PCDHAC2: variants seen among roughly 807,000 people sequenced by gnomAD.
PCDHAC2 encodes the protein protocadherin alpha subfamily C, 2.
A neutral mutation model predicts 63.3 loss-of-function variants in PCDHAC2; 24 were observed. That is an observed-to-expected ratio of 0.38 (90% CI 0.27 to 0.53). The LOEUF (loss-of-function observed/expected upper bound fraction) is 0.53, where lower values mean the gene tolerates loss of function less well. Ranked by LOEUF, PCDHAC2 falls within the 20% of genes least tolerant of loss-of-function variation. PCDHAC2 has a pLI of 0.81. For synonymous variants in PCDHAC2, 569 were observed against 529.4 expected (o/e 1.07, Z -1.03); for missense variants, 1,181 against 1,275.2 (o/e 0.93, Z 1.12).
intron 3 of PCDHAC2, among the ~76,000 whole-genome samples, chr5:141,001,849 T>G (rs889682000): frequency 6.6e-6 from 1 of 151,820 alleles, no homozygotes; most frequent in Non-Finnish European, 1.5e-5. Context: ...GAGAGAGAGG[T>G]TGATTAAATT....
intron 3 of PCDHAC2, among the ~76,000 whole-genome samples, chr5:141,000,343 C>G (rs1410684542): frequency 1.7e-5 from 2 of 116,202 alleles, no homozygotes; most frequent in Admixed American, 9.0e-5. Context: ...GGCCCTATCT[C>G]TCTCTCTGTC....
chr5:140,971,799 TTA>T (rs1435483264), intron 1 of PCDHAC2, among the ~76,000 whole-genome samples: 2 of 152,164 alleles, frequency 1.3e-5, no homozygotes, highest in East Asian at 3.8e-4. Flanking sequence ...ATATTGAATA[TTA>T]TAATATTGAA....
chr5:141,006,441 C>T (rs2098274470), intron 3 of PCDHAC2, among the ~76,000 whole-genome samples: 1 of 152,110 alleles, frequency 6.6e-6, no homozygotes, highest in Non-Finnish European at 1.5e-5. Flanking sequence ...TCTCAATCTC[C>T]TGACCTCGAG....
chr5:140,992,798 CAT>C (rs1554253202), intron 3 of PCDHAC2, among the ~76,000 whole-genome samples: 1 of 152,076 alleles, frequency 6.6e-6, no homozygotes, highest in African/African-American at 2.4e-5. Context: ...TTTATGGATC[CAT>C]ATGTATCTAA....
chr5:141,000,375 C>G (rs1253953172), intron 3 of PCDHAC2, among the ~76,000 whole-genome samples: 8 of 57,690 alleles, frequency 1.4e-4, no homozygotes, highest in Non-Finnish European at 1.9e-4. Context: ...CTCTCTCTCT[C>G]TCTCTCTCTC....
chr5:141,005,797 A>G (rs1444669955), intron 3 of PCDHAC2, among the ~76,000 whole-genome samples: 2 of 150,756 alleles, frequency 1.3e-5, no homozygotes, highest in East Asian at 1.9e-4. Context: ...GGCAAAAACA[A>G]CTCCAAGGAG....
At chr5:140,979,052 G>T (rs2096833352) in intron 2 of PCDHAC2, 45 bp downstream of exon 2, 1 of 1,609,668 alleles carries the variant, frequency 6.2e-7, no homozygotes, top group Non-Finnish European at 8.5e-7. Context: ...CCTTAACTTG[G>T]TATGGCTCAG....
intron 3 of PCDHAC2, among the ~76,000 whole-genome samples, chr5:140,997,106 C>T (rs2153943751): frequency 6.6e-6 from 1 of 152,162 alleles, no homozygotes; most frequent in South Asian, 2.1e-4. Context: ...CTCATGCACT[C>T]CTGCTCTCCC....
In PCDHAC2 at chr5:141,009,805, A is replaced by G. The variant is rs1358613672; in HGVS notation, c.2892A>G (p.Gln964=). The change falls in exon 4 of 4, where the codon CAA becomes CAG. Residue 964 remains glutamine, a synonymous_variant. Transcript: ENST00000289269. ...ISIRQEPTNS[Q]IDKSDFITFG... ...TCCGGCAGGAGCCTACTAACAGCCAAATTGACAAAAGTGACTTCATAACCT... is the reference window on the plus strand; with the variant it reads ...TCCGGCAGGAGCCTACTAACAGCCAGATTGACAAAAGTGACTTCATAACCT... The G allele has an allele frequency of 3.1e-6, 5 of 1,613,974 alleles. No homozygotes were observed. Among genetic ancestry groups the G allele is most frequent in the African/African-American group, 1.3e-5 (1 of 74,898 alleles).
chr5:141,011,924 AG>A lies in PCDHAC2; in HGVS notation c.*1989del, dbSNP rs1246091886. Reference sequence around the variant, plus strand: ...ATTTAGGCATTAATATAAAAGAGGTAGGAGTCTGTTATTTAAAAAAAGCATT... The same window carrying A: ...ATTTAGGCATTAATATAAAAGAGGTAGAGTCTGTTATTTAAAAAAAGCATT... On this transcript the variant is annotated 3_prime_UTR_variant, in exon 4 of 4. Coordinates refer to ENST00000289269, the MANE Select transcript of PCDHAC2 (RefSeq NM_018899.6). 1 of 153,728 alleles carries A rather than the reference AG, an allele frequency of 6.5e-6. No homozygotes were observed. Among genetic ancestry groups the A allele is most frequent in the Non-Finnish European group, 1.5e-5 (1 of 68,042 alleles). 9.5% of individuals were successfully genotyped at this position (153,728 alleles called of 1,614,324 possible).
At chr5:140,977,379 C>T (rs921133722) in intron 1 of PCDHAC2, among the ~76,000 whole-genome samples, 4 of 152,134 alleles carry the variant, frequency 2.6e-5, no homozygotes, top group African/African-American at 2.4e-5. Flanking sequence ...AGTCATATTT[C>T]CAGGTTTATA....
chr5:140,995,184 T>G (rs1382886542), intron 3 of PCDHAC2, among the ~76,000 whole-genome samples: 3 of 152,168 alleles, frequency 2.0e-5, no homozygotes, highest in African/African-American at 7.2e-5. Flanking sequence ...GCACCTATGA[T>G]AAAGTTTAAT....
At chr5:140,980,849 C>A (rs2096908252) in intron 2 of PCDHAC2, among the ~76,000 whole-genome samples, 1 of 152,068 alleles carries the variant, frequency 6.6e-6, no homozygotes, top group Admixed American at 6.6e-5. Context: ...TAATACTAAT[C>A]TTTTTCGTAT....
At chr5:140,983,226 T>C (rs892083218) in intron 3 of PCDHAC2, among the ~76,000 whole-genome samples, 1 of 152,216 alleles carries the variant, frequency 6.6e-6, no homozygotes, top group Non-Finnish European at 1.5e-5. Context: ...ATCCAAACTT[T>C]CAGGAAAGAG....
chr5:141,004,809 C>A (rs1319049687), intron 3 of PCDHAC2, among the ~76,000 whole-genome samples: 1 of 152,144 alleles, frequency 6.6e-6, no homozygotes. Context: ...AGCTCAATTG[C>A]AGATTTGATT....
At chr5:140,970,243 T>C (rs1554232347) in intron 1 of PCDHAC2, among the ~76,000 whole-genome samples, 1 of 152,252 alleles carries the variant, frequency 6.6e-6, no homozygotes, top group Non-Finnish European at 1.5e-5. Flanking sequence ...TGATTTTCTG[T>C]TGACAGTTTC....
intron 3 of PCDHAC2, among the ~76,000 whole-genome samples, chr5:140,988,509 TA>T (rs2097301045): frequency 6.6e-6 from 1 of 152,170 alleles, no homozygotes; most frequent in Non-Finnish European, 1.5e-5. Flanking sequence ...CCATGAAGCT[TA>T]CTTAAGTCTC....
Position 140,966,939 on chromosome 5 carries a change from TG to T in PCDHAC2, c.176del (p.Gly59AlafsTer36). On this transcript the variant is annotated frameshift_variant, in exon 1 of 4. Coordinates refer to ENST00000289269, the MANE Select transcript of PCDHAC2 (RefSeq NM_018899.6). LOFTEE classifies it high-confidence loss of function. ...VPEEQAPGAL[V>X]GNVARALGLE... ...GAGGAGCAGGCACCCGGCGCGCTCG[TG>T]GGCAACGTGGCTCGCGCGCTGGGGC... is the stretch of plus-strand genomic sequence containing the variant. The T allele has an allele frequency of 1.2e-6, 2 of 1,604,434 alleles. No individual in the cohort carries two copies. The highest frequency in any genetic ancestry group is 1.7e-6 in the Non-Finnish European group (2 of 1,178,664).
Position 140,967,276 on chromosome 5 carries a change from G to C in PCDHAC2, c.510G>C (p.Glu170Asp). 1.2e-6 allele frequency: 2 copies of C among 1,613,398 alleles called. No individual in the cohort carries two copies. Residue 170 changes from glutamate to aspartate, a missense_variant, in exon 1 of 4, where the codon GAG becomes GAC. Around this residue, in one of 3 missense-constraint regions of PCDHAC2, gnomAD observed 968 missense variants for 1,073.5 expected, o/e 0.90. Transcript: ENST00000289269. Reference sequence around the variant, plus strand: ...CGCCTGGAGCGCGCTTTCACATAGAGAGTGCGCAGGACCCCGACGTGGGCG... The same window carrying C: ...CGCCTGGAGCGCGCTTTCACATAGACAGTGCGCAGGACCCCGACGTGGGCG... ...SVAPGARFHI[E>D]SAQDPDVGAN...
Sources: gnomAD v4.1 joint callset for allele counts (sites outside exome capture counted in the v4.1 genomes callset) on GRCh38, gnomAD v4.1.1 for gene constraint, gnomAD v4.1.1 regional missense constraint, MANE v1.5 for transcripts, NCBI Gene and HGNC (gene_info 2026-07-23, HGNC 2026-07-21) for gene names.